The following CLK2 variants were observed in gnomAD, a reference collection of about 807,000 sequenced individuals.
The protein encoded by CLK2 is dual specificity protein kinase CLK2.
In CLK2, 12 loss-of-function variants were observed where a neutral mutation model predicts 73.5. That is an observed-to-expected ratio of 0.16 (90% confidence interval 0.10 to 0.26). CLK2 has a LOEUF of 0.26. Among genes scored for constraint, CLK2 ranks in the 10% least tolerant of loss-of-function variants. The probability of loss-of-function intolerance (pLI) is 1.00; values close to 1 mark genes in which losing one functional copy is unlikely to be tolerated. For missense variants in CLK2, 509 were observed against 688.4 expected, an observed-to-expected ratio of 0.74 and a Z score of 2.92; for synonymous variants, 232 against 237.9, an observed-to-expected ratio of 0.98 and a Z score of 0.23.
In CLK2 at chr1:155,270,926, A is replaced by G; in HGVS notation, c.52T>C (p.Tyr18His). ...TTTCGGCTCCGATAGTGTTCACGGT[A>G]ACTCCCCCGGCTGCCTCGCTCTGAG... Reference protein sequence around the residue: ...HSSERGSRGSYREHYRSRKHK... With the variant: ...HSSERGSRGSHREHYRSRKHK... The change falls in exon 2 of 13, where the codon TAC becomes CAC. Residue 18 changes from tyrosine to histidine, a missense_variant. Physicochemically the swap from Tyr to His is moderately conservative, Grantham distance 83 (BLOSUM62 2). Transcript: ENST00000368361. The G allele has an allele frequency of 6.2e-7, 1 of 1,614,066 alleles. No homozygotes were observed. The highest frequency in any genetic ancestry group is 8.5e-7 in the Non-Finnish European group (1 of 1,179,984).
intron 3 of CLK2, 167 bp downstream of exon 3, chr1:155,269,321 A>G: frequency 1.6e-6 from 1 of 642,516 alleles, no homozygotes; most frequent in Non-Finnish European, 2.7e-6. Flanking sequence ...AAGCAGATCC[A>G]GGGCCCTTCA....
chr1:155,268,856 C>CGGGGGGGG lies in CLK2; in HGVS notation c.400-62_400-61insCCCCCCCC. 5.2e-6 allele frequency: 1 copy of CGGGGGGGG among 193,830 alleles called. No individual in the cohort carries two copies. Among genetic ancestry groups the CGGGGGGGG allele is most frequent in the Non-Finnish European group, 9.8e-6 (1 of 102,404 alleles). 12.0% of individuals were successfully genotyped at this position (193,830 alleles called of 1,614,324 possible). On this transcript the variant is annotated intron_variant, in intron 3 of 12. Transcript: ENST00000368361. This position sits in a 1 kb window ranked among gnomAD's most constrained non-coding sequence, Gnocchi z 5.6. ...TGTCGGAGCGGGGGCCGGAGGGAGG[C>CGGGGGGGG]GGGGTGGGTGGTAGAGGGGTCACCG...
At chr1:155,267,219 A>G (rs771385966) in intron 6 of CLK2, among the ~76,000 whole-genome samples, 1 of 152,036 alleles carries the variant, frequency 6.6e-6, no homozygotes, top group East Asian at 1.9e-4. Flanking sequence ...CAGCCTTCCA[A>G]GTAGCTGGGA....
Position 155,263,409 on chromosome 1 carries a change from G to A in CLK2, c.1318-9C>T, listed in dbSNP as rs373658244. 6.2e-7 allele frequency: 1 copy of A among 1,613,682 alleles called. No homozygotes were observed. The highest frequency in any genetic ancestry group is 1.1e-5 in the South Asian group (1 of 91,074). Reference sequence around the variant, plus strand: ...TCTGAGGTCAGATACCGCTGGTGGAGGAGGGCAGGAAAAAGGTGAGGCAGG... The same window carrying A: ...TCTGAGGTCAGATACCGCTGGTGGAAGAGGGCAGGAAAAAGGTGAGGCAGG... On this transcript the variant is annotated splice_polypyrimidine_tract_variant and intron_variant, in intron 12 of 12. Transcript: ENST00000368361.
chr1:155,271,828 G>C (rs1572023657), intron 1 of CLK2, among the ~76,000 whole-genome samples: 1 of 152,100 alleles, frequency 6.6e-6, no homozygotes. Flanking sequence ...ACATATACCA[G>C]GTAAACGCCA....
In CLK2 at chr1:155,268,447, TG is replaced by T; in HGVS notation, c.488-89del. On this transcript the variant is annotated intron_variant, in intron 4 of 12. Coordinates refer to ENST00000368361, the MANE Select transcript of CLK2 (RefSeq NM_001294338.2). This position sits in a 1 kb window ranked among gnomAD's most constrained non-coding sequence, Gnocchi z 5.6. ...TGGAAGAAAAAAGGGGACAGCAACC[TG>T]GGGTGGAGATGAAGGAAGGGGAACA... 1.9e-6 allele frequency: 2 copies of T among 1,076,452 alleles called. No homozygotes were observed. The highest frequency in any genetic ancestry group is 1.4e-6 in the Non-Finnish European group (1 of 699,176). 66.7% of individuals were successfully genotyped at this position (1,076,452 alleles called of 1,614,324 possible).
Position 155,270,860 on chromosome 1 carries a change from C to A in CLK2, c.118G>T (p.Asp40Tyr), listed in dbSNP as rs761583683. The change falls in exon 2 of 13, where the codon GAC becomes TAC. Residue 40 changes from aspartate (D) to tyrosine (Y), a missense_variant. Asp to Tyr is a radical substitution (Grantham distance 160). Transcript: ENST00000368361. The stretch of plus-strand genomic sequence containing the variant: ...TCTCGCCGACGCCGTCGTGTCCGGT[C>A]ACTACTACTTGACCAGGAGCGACTT... Reference protein sequence around the residue: ...RRSRSWSSSSDRTRRRRREDS... With the variant: ...RRSRSWSSSSYRTRRRRREDS... 1.2e-6 allele frequency: 2 copies of A among 1,614,040 alleles called. No homozygotes were observed. The highest frequency in any genetic ancestry group is 1.3e-5 in the African/African-American group (1 of 74,934).
chr1:155,267,325 T>C (rs977240433), intron 6 of CLK2, among the ~76,000 whole-genome samples: 2 of 152,092 alleles, frequency 1.3e-5, no homozygotes, highest in African/African-American at 2.4e-5. Context: ...ACTCCTGACA[T>C]TGTGATCCAC....
intron 2 of CLK2, among the ~76,000 whole-genome samples, chr1:155,270,200 A>T (rs1270636740): frequency 7.7e-6 from 1 of 129,620 alleles, no homozygotes; most frequent in East Asian, 3.0e-4. Flanking sequence ...TCTACTAAAA[A>T]TACAAAAAAA....
chr1:155,264,841 A>G (rs1673152412), intron 8 of CLK2, 67 bp from the exon 9 acceptor site: 2 of 1,583,286 alleles, frequency 1.3e-6, no homozygotes, highest in Non-Finnish European at 8.6e-7. Flanking sequence ...TATTCTCTAC[A>G]TTGCTTCTGA....
In CLK2 at chr1:155,268,303, C is replaced by T; in HGVS notation, c.544G>A (p.Asp182Asn). ...GTFGRVVQCV[D>N]HRRGGARVAL... ...GGGACTGACAGTTACCTGCGATGGT[C>T]AACACATTGTACAACTCGGCCGAAG... Residue 182 changes from aspartate to asparagine, a missense_variant, in exon 5 of 13, where the codon GAC (aspartate) becomes AAC (asparagine). Transcript: ENST00000368361. The surrounding 1 kb of genome is among the most constrained non-coding windows in gnomAD (Gnocchi z 5.6). 1 of 1,614,110 alleles carries T rather than the reference C, an allele frequency of 6.2e-7. No homozygotes were observed. The highest frequency in any genetic ancestry group is 8.5e-7 in the Non-Finnish European group (1 of 1,179,972).
chr1:155,265,384 T>C (rs1029198470), intron 8 of CLK2, among the ~76,000 whole-genome samples: 15 of 151,988 alleles, frequency 9.9e-5, no homozygotes, highest in African/African-American at 3.4e-4. Context: ...CTGGCCAACA[T>C]GGCAAAACCC....
intron 2 of CLK2, 48 bp downstream of exon 2, chr1:155,270,760 G>C (rs374294744): frequency 6.4e-7 from 1 of 1,565,300 alleles, no homozygotes; most frequent in East Asian, 2.3e-5. Context: ...TTGAACAAAG[G>C]AATGAGCGAG....
chr1:155,270,688 C>T (rs920656436), intron 2 of CLK2, 120 bp downstream of exon 2: 10 of 1,164,768 alleles, frequency 8.6e-6, no homozygotes, highest in African/African-American at 4.6e-5. Flanking sequence ...TTATCTATCC[C>T]GACATTACCT....
intron 8 of CLK2, among the ~76,000 whole-genome samples, chr1:155,265,253 C>T (rs974196067): frequency 6.6e-6 from 1 of 152,084 alleles, no homozygotes; most frequent in African/African-American, 2.4e-5. Context: ...TTTCCTACCT[C>T]ACAGAAATAC....
At chr1:155,269,136 C>G in intron 3 of CLK2, 1 of 572,398 alleles carries the variant, frequency 1.7e-6, no homozygotes, top group Non-Finnish European at 3.1e-6. Context: ...CACCCAAGCC[C>G]GCCTGCCAAG....
At chr1:155,263,600 T>G in intron 12 of CLK2, 200 bp from the exon 13 acceptor site, 1 of 985,158 alleles carries the variant, frequency 1.0e-6, no homozygotes, top group South Asian at 4.7e-5. Context: ...TACTCCATAA[T>G]CTTTGAAAGT....
At chr1:155,272,233 C>T (rs1328086767) in intron 1 of CLK2, among the ~76,000 whole-genome samples, 2 of 152,100 alleles carry the variant, frequency 1.3e-5, no homozygotes, top group Non-Finnish European at 2.9e-5. Flanking sequence ...TCAGGCTGGT[C>T]TCGAACTCCC....
In CLK2 at chr1:155,263,130, G is replaced by A; in HGVS notation, c.*88C>T. 7.7e-7 allele frequency: 1 copy of A among 1,301,010 alleles called. No homozygotes were observed. The highest frequency in any genetic ancestry group is 1.0e-6 in the Non-Finnish European group (1 of 961,136). The allele number at this position is 1,301,010 out of a possible 1,614,324, so 80.6% of individuals were successfully genotyped here. On this transcript the variant is annotated 3_prime_UTR_variant, in exon 13 of 13. Coordinates refer to ENST00000368361, the MANE Select transcript of CLK2 (RefSeq NM_001294338.2). ...GAGCCAGGAGGAAGGAGTGAACTCT[G>A]GCTCGTTCTCTTGTATAAAAAAGCA...
Sources: gnomAD v4.1 joint callset for allele counts (sites outside exome capture counted in the v4.1 genomes callset) on GRCh38, gnomAD v4.1.1 for gene constraint, Gnocchi (gnomAD v3.1) non-coding constraint, MANE v1.5 for transcripts, NCBI Gene and HGNC (gene_info 2026-07-23, HGNC 2026-07-21) for gene names.